GABRB1: variants seen among roughly 807,000 people sequenced by gnomAD.
The protein encoded by GABRB1 is gamma-aminobutyric acid type A receptor subunit beta1.
GABRB1 carries 17 observed loss-of-function variants against 51.6 expected under a neutral mutation model. The ratio of observed to expected loss-of-function variants is 0.33; its 90% confidence interval spans 0.23 to 0.49. GABRB1 has a LOEUF of 0.49. Ranked by LOEUF, GABRB1 falls within the 20% of genes least tolerant of loss-of-function variation. GABRB1 has a pLI of 0.99. For synonymous variants in GABRB1, 247 were observed against 218.9 expected (o/e 1.13, Z -1.14); for missense variants, 410 against 600.6 (o/e 0.68, Z 3.32).
At chr4:47,043,325 T>C (rs188945568) in intron 3 of GABRB1, 1 of 152,068 alleles carries the variant, frequency 6.6e-6, no homozygotes, top group Admixed American at 6.6e-5. Flanking sequence ...CCTTGGTGGG[T>C]TATTTGTGTC....
chr4:47,083,808 T>G (rs1473746519), intron 3 of GABRB1, among the ~76,000 whole-genome samples: 1 of 152,174 alleles, frequency 6.6e-6, no homozygotes, highest in East Asian at 1.9e-4. Context: ...ATAATTGTTC[T>G]GGATTTTCCC....
rs760176988 is a variant in GABRB1 at position 47,296,175 on chromosome 4, C to T, written c.462-23952C>T. On this transcript the variant is annotated intron_variant, in intron 4 of 8. Transcript: ENST00000295454. ...AATCATGCCAAATTGTAAAGACCATCGAGGCTAGGAAGAAACTGCATAAAC... is the reference window on the plus strand; with the variant it reads ...AATCATGCCAAATTGTAAAGACCATTGAGGCTAGGAAGAAACTGCATAAAC... 1.7e-4 allele frequency among the ~76,000 whole-genome samples: 26 copies of T among 152,106 alleles called. 1 individual carries two copies. Among genetic ancestry groups the T allele is most frequent in the South Asian group, 4.2e-4 (2 of 4,812 alleles).
At chr4:47,029,404 C>T (rs1725209790), upstream of GABRB1, among the ~76,000 whole-genome samples, 1 of 151,634 alleles carries the variant, frequency 6.6e-6, no homozygotes, top group African/African-American at 2.4e-5. Context: ...TTTAGAGTGG[C>T]TTTTGATCTT....
chr4:47,057,790 C>T (rs80159111), intron 3 of GABRB1, among the ~76,000 whole-genome samples: 4,995 of 152,260 alleles, frequency 0.033, 104 homozygotes, highest in Non-Finnish European at 0.051. Flanking sequence ...AATGGCCTAA[C>T]CCAGCAAAAT....
rs183002190 is a variant in GABRB1 at position 47,158,239 on chromosome 4, T to C, written c.241-3010T>C. Reference sequence around the variant, plus strand: ...AATGATAATAAATGCTATGTATTAATATAGCATTTATCATTCAGTGTTATT... The same window carrying C: ...AATGATAATAAATGCTATGTATTAACATAGCATTTATCATTCAGTGTTATT... On this transcript the variant is annotated intron_variant, in intron 3 of 8. Transcript: ENST00000295454. 4.2e-4 allele frequency among the ~76,000 whole-genome samples: 64 copies of C among 152,206 alleles called. No individual in the cohort carries two copies. In the East Asian group the frequency reaches 9.3e-3, roughly 22 times the overall value.
At chr4:47,280,002 AAC>A (rs2109905938) in intron 4 of GABRB1, among the ~76,000 whole-genome samples, 1 of 152,134 alleles carries the variant, frequency 6.6e-6, no homozygotes, top group African/African-American at 2.4e-5. Flanking sequence ...AGTAACAATT[AAC>A]ATTTTAGGAC....
intron 4 of GABRB1, among the ~76,000 whole-genome samples, chr4:47,247,177 T>C (rs1410479923): frequency 6.6e-6 from 1 of 152,186 alleles, no homozygotes; most frequent in Non-Finnish European, 1.5e-5. Context: ...AAGTCCTTAA[T>C]CCATCTTGAG....
At chr4:47,400,546 C>CTCTCTCTCTCTCTT (rs10684391) in intron 5 of GABRB1, among the ~76,000 whole-genome samples, 15,922 of 150,756 alleles carry the variant, frequency 0.11, 947 homozygotes, top group Middle Eastern at 0.22. Flanking sequence ...CTCTCTCTCT[C>CTCTCTCTCTCTCTT]TCTCTCTCAG....
chr4:47,338,001 C>G (rs1310694479), intron 5 of GABRB1, among the ~76,000 whole-genome samples: 1 of 152,090 alleles, frequency 6.6e-6, no homozygotes, highest in Non-Finnish European at 1.5e-5. Flanking sequence ...CTTTCTGTAA[C>G]AGTTGTGAAT....
At chr4:47,017,620 A>T (rs1298972660) in intron 1 of GABRB1, among the ~76,000 whole-genome samples, 1 of 151,862 alleles carries the variant, frequency 6.6e-6, no homozygotes, top group Non-Finnish European at 1.5e-5. Context: ...CGAATGATTT[A>T]TTTTTTCACA....
chr4:47,146,298 CT>C (rs375804546), intron 3 of GABRB1, among the ~76,000 whole-genome samples: 63 of 152,114 alleles, frequency 4.1e-4, no homozygotes, highest in Middle Eastern at 3.4e-3. Context: ...CTCTTCCTTT[CT>C]TTTTTTCCCC....
chr4:47,012,297 G>C (rs896814403), intron 1 of GABRB1, among the ~76,000 whole-genome samples: 8 of 152,046 alleles, frequency 5.3e-5, no homozygotes, highest in African/African-American at 1.9e-4. Context: ...CATCACCCAG[G>C]TATTAAGCCT....
Position 47,425,686 on chromosome 4 carries a change from G to A in GABRB1, c.1093G>A (p.Gly365Ser), listed in dbSNP as rs2110070873. 1.9e-6 allele frequency: 3 copies of A among 1,600,242 alleles called. No individual in the cohort carries two copies. In the South Asian group the frequency reaches 3.3e-5, roughly 18 times the overall value. ...EMNKVQVDAH[G>S]NILLSTLEIR... is the part of the protein sequence containing the mutation. ...TTTTTGCCATCAGGTCGACGCCCAC[G>A]GTAACATTCTCCTCAGCACCCTGGA... Residue 365 changes from glycine to serine, a missense_variant, in exon 9 of 9, where the codon GGT becomes AGT. Transcript: ENST00000295454.
chr4:47,200,989 A>C (rs1213950452), intron 4 of GABRB1, among the ~76,000 whole-genome samples: 1 of 152,174 alleles, frequency 6.6e-6, no homozygotes, highest in African/African-American at 2.4e-5. Flanking sequence ...ATATTTTAAC[A>C]AACATAGTTC....
At chr4:47,192,641 G>A (rs961909168) in intron 4 of GABRB1, among the ~76,000 whole-genome samples, 2 of 152,158 alleles carry the variant, frequency 1.3e-5, no homozygotes, top group South Asian at 2.1e-4. Context: ...AGATACTTTG[G>A]AATGTGAGAT....
chr4:46,999,151 C>T (rs114838614), intron 1 of GABRB1, among the ~76,000 whole-genome samples: 294 of 152,150 alleles, frequency 1.9e-3, no homozygotes, highest in Non-Finnish European at 3.6e-3. Flanking sequence ...CCCAAATTAA[C>T]CCATATAGTT....
intron 4 of GABRB1, among the ~76,000 whole-genome samples, chr4:47,175,165 TTATC>T (rs1369744126): frequency 2.0e-5 from 3 of 151,410 alleles, no homozygotes; most frequent in Admixed American, 6.6e-5. Flanking sequence ...TCTTCTTTCT[TTATC>T]TTTCTTTCTT....
intron 4 of GABRB1, among the ~76,000 whole-genome samples, chr4:47,256,107 G>A (rs990967907): frequency 6.6e-6 from 1 of 152,206 alleles, no homozygotes; most frequent in Non-Finnish European, 1.5e-5. Context: ...TAATAATTCA[G>A]AGCAGAGATG....
intron 3 of GABRB1, among the ~76,000 whole-genome samples, chr4:47,106,743 TCC>T: frequency 6.6e-6 from 1 of 152,134 alleles, no homozygotes; most frequent in South Asian, 2.1e-4. Context: ...CCCATCTCTT[TCC>T]GAGGTTGCTT....
Sources: gnomAD v4.1 joint callset for allele counts (sites outside exome capture counted in the v4.1 genomes callset) on GRCh38, gnomAD v4.1.1 for gene constraint, MANE v1.5 for transcripts, NCBI Gene and HGNC (gene_info 2026-07-23, HGNC 2026-07-21) for gene names.